The following HECTD4 variants were observed in gnomAD, a reference collection of about 807,000 sequenced individuals.
The protein encoded by HECTD4 is HECT domain E3 ubiquitin protein ligase 4, also known as probable E3 ubiquitin-protein ligase HECTD4.
In HECTD4, 114 loss-of-function variants were observed where a neutral mutation model predicts 471.5. That is an observed-to-expected ratio of 0.24 (90% confidence interval 0.21 to 0.28). HECTD4 has a LOEUF of 0.28. Among genes scored for constraint, HECTD4 ranks in the 10% least tolerant of loss-of-function variants. The pLI is 1.00. For missense variants in HECTD4, 3,866 were observed against 5,651.5 expected (o/e 0.68, Z 10.13); for synonymous variants, 2,012 against 2,256.0 (o/e 0.89, Z 3.07).
intron 1 of HECTD4, among the ~76,000 whole-genome samples, chr12:112,330,508 T>C (rs1422825336): frequency 6.6e-6 from 1 of 152,206 alleles, no homozygotes; most frequent in East Asian, 1.9e-4. Context: ...TGACAATTTT[T>C]AATACAAAAC....
chr12:112,273,887 G>A (rs776872344), intron 10 of HECTD4, 92 bp from the exon 11 acceptor site: 168 of 1,449,570 alleles, frequency 1.2e-4, no homozygotes, highest in Non-Finnish European at 1.5e-4. Flanking sequence ...GGAAGGGCAA[G>A]GATGCTCTCT....
chr12:112,240,707 TC>T (rs775950710), intron 32 of HECTD4, among the ~76,000 whole-genome samples: 5 of 152,168 alleles, frequency 3.3e-5, no homozygotes, highest in Non-Finnish European at 7.3e-5. Flanking sequence ...CACCTCGGCC[TC>T]CCAAAGTGCT....
At chr12:112,249,917 C>A (rs949383658) in intron 25 of HECTD4, 2 of 546,624 alleles carry the variant, frequency 3.7e-6, no homozygotes, top group Middle Eastern at 5.0e-4. Flanking sequence ...CAAGAACCAA[C>A]AAGTTCCCAA....
intron 44 of HECTD4, among the ~76,000 whole-genome samples, chr12:112,220,453 G>A (rs1379594896): frequency 6.6e-6 from 1 of 152,028 alleles, no homozygotes; most frequent in Non-Finnish European, 1.5e-5. Context: ...TGAATGAGCA[G>A]TGACTTCATT....
chr12:112,256,053 C>T (rs2034001859), intron 21 of HECTD4, among the ~76,000 whole-genome samples: 1 of 152,156 alleles, frequency 6.6e-6, no homozygotes, highest in Non-Finnish European at 1.5e-5. Flanking sequence ...TTTCCTTCCT[C>T]TCATATATCT....
chr12:112,226,226 C>T (rs1044169397), intron 44 of HECTD4, among the ~76,000 whole-genome samples: 1 of 152,056 alleles, frequency 6.6e-6, no homozygotes, highest in African/African-American at 2.4e-5. Context: ...CACACTCACA[C>T]ACACACTCAC....
Position 112,319,735 on chromosome 12 carries a change from G to T in HECTD4, c.185C>A (p.Thr62Asn). ...EAADTDLEIL[T>N]FETKNPSELA... Reference sequence around the variant, plus strand: ...TTCCGACGGGTTCTTGGTCTCAAAGGTTAAAATCTAAGGAAAAAGACGATG... The same window carrying T: ...TTCCGACGGGTTCTTGGTCTCAAAGTTTAAAATCTAAGGAAAAAGACGATG... Residue 62 changes from threonine to asparagine, a missense_variant, in exon 2 of 76, where the codon ACC becomes AAC. Coordinates refer to ENST00000682272, the MANE Select transcript of HECTD4 (RefSeq NM_001388303.1). This position sits in a 1 kb window ranked among gnomAD's most constrained non-coding sequence, Gnocchi z 5.3. 1.6e-6 allele frequency: 2 copies of T among 1,246,334 alleles called. No individual in the cohort carries two copies. Among genetic ancestry groups the T allele is most frequent in the South Asian group, 3.8e-5 (1 of 26,146 alleles). The allele number at this position is 1,246,334 out of a possible 1,614,324, so 77.2% of individuals were successfully genotyped here.
At position 112,381,270 on chromosome 12, in the gene HECTD4, G is replaced by C. The variant is rs1373543134; in HGVS notation, c.177+682C>G. ...ACCCGGGATGCTTGGCGACCCCCGG[G>C]GCACACAAAAAGGCCCTGCGGCCTA... On this transcript the variant is annotated intron_variant, in intron 1 of 75. Transcript: ENST00000682272. The surrounding 1 kb of genome is among the most constrained non-coding windows in gnomAD (Gnocchi z 4.1). Among the ~76,000 whole-genome samples, 1 of 152,090 alleles carries C rather than the reference G, an allele frequency of 6.6e-6. No individual in the cohort carries two copies. Among genetic ancestry groups the C allele is most frequent in the Non-Finnish European group, 1.5e-5 (1 of 68,030 alleles).
chr12:112,382,163 C>G lies in HECTD4; in HGVS notation c.-35G>C. On this transcript the variant is annotated 5_prime_UTR_variant, in exon 1 of 76. Transcript: ENST00000682272. ...TGAAGGCTTGGCGCTGAGGAGCAGA[C>G]GCCCGGCCGGGGGAAACGGAGCAGG... 1 of 1,214,128 alleles carries G rather than the reference C, an allele frequency of 8.2e-7. No homozygotes were observed. Among genetic ancestry groups the G allele is most frequent in the Non-Finnish European group, 1.0e-6 (1 of 977,550 alleles). 75.2% of individuals were successfully genotyped at this position (1,214,128 alleles called of 1,614,324 possible).
At chr12:112,344,748 G>A (rs982697895) in intron 1 of HECTD4, among the ~76,000 whole-genome samples, 7 of 150,138 alleles carry the variant, frequency 4.7e-5, no homozygotes, top group African/African-American at 9.8e-5. Context: ...GTGAAACCCC[G>A]TCTCTATTAA....
chr12:112,246,141 A>AAAAATAAAAT lies in HECTD4; in HGVS notation c.4513+750_4513+759dup, dbSNP rs148990896. The stretch of plus-strand genomic sequence containing the variant: ...AATGAGACTCCGTCTCAAAAAAATA[A>AAAAATAAAAT]AAAATAAAATAAAATAAAATAAAAT... On this transcript the variant is annotated intron_variant, in intron 29 of 75. Transcript: ENST00000682272. 4.1e-3 allele frequency among the ~76,000 whole-genome samples: 612 copies of AAAAATAAAAT among 149,004 alleles called. 6 individuals carry two copies. In the East Asian group the frequency reaches 0.044, roughly 11 times the overall value.
intron 7 of HECTD4, among the ~76,000 whole-genome samples, chr12:112,285,314 T>A (rs1424158024): frequency 1.3e-5 from 2 of 152,112 alleles, no homozygotes; most frequent in African/African-American, 4.8e-5. Flanking sequence ...GTCCAAGACC[T>A]CCACCTGGAA....
intron 1 of HECTD4, among the ~76,000 whole-genome samples, chr12:112,352,142 G>A (rs1285634578): frequency 3.3e-5 from 5 of 152,090 alleles, no homozygotes. Context: ...GTATGCTCTT[G>A]CACATAAGAA....
At chr12:112,249,529 A>G (rs1046480562) in intron 25 of HECTD4, 6 of 154,228 alleles carry the variant, frequency 3.9e-5, no homozygotes, top group African/African-American at 1.4e-4. Flanking sequence ...TGTTGGGCTA[A>G]AAACGATAGT....
intron 7 of HECTD4, among the ~76,000 whole-genome samples, chr12:112,299,606 G>A (rs2035121002): frequency 6.6e-6 from 1 of 151,334 alleles, no homozygotes; most frequent in South Asian, 2.1e-4. Flanking sequence ...CTGGGTGACA[G>A]ACAGACTCTG....
chr12:112,364,589 C>T (rs924603391), intron 1 of HECTD4, among the ~76,000 whole-genome samples: 3 of 152,002 alleles, frequency 2.0e-5, no homozygotes, highest in South Asian at 2.1e-4. Flanking sequence ...ATTAGCCAGC[C>T]GTGGTGGCAT....
At position 112,273,710 on chromosome 12, in the gene HECTD4, G is replaced by C. The variant is rs777443728; in HGVS notation, c.1887C>G (p.Ala629=). 1 of 1,613,920 alleles carries C rather than the reference G, an allele frequency of 6.2e-7. No individual in the cohort carries two copies. The highest frequency in any genetic ancestry group is 1.1e-5 in the South Asian group (1 of 91,086). The change falls in exon 11 of 76, where the codon GCC becomes GCG. Residue 629 remains alanine (A), a synonymous_variant. Transcript: ENST00000682272. ...CAAGTCTCTGGCAGACATAATGGAA[G>C]GCTTGATTCCCAGGGTTACACCACT... ...IDQWCNPGNQ[A]FHYVCQRLGV... is the part of the protein sequence containing the mutation.
rs189501055 is a variant in HECTD4 at position 112,311,180 on chromosome 12, T to C, written c.917-1511A>G. Among the ~76,000 whole-genome samples, 9 of 151,742 alleles carry C rather than the reference T, an allele frequency of 5.9e-5. 1 individual carries two copies. The highest frequency in any genetic ancestry group is 1.3e-4 in the Non-Finnish European group (9 of 67,914). ...GGGAGGCTGAGGCAGGAGAATTGCTTGAACCTGGGAGGCAGAGGTTGCAGT... is the reference window on the plus strand; with the variant it reads ...GGGAGGCTGAGGCAGGAGAATTGCTCGAACCTGGGAGGCAGAGGTTGCAGT... On this transcript the variant is annotated intron_variant, in intron 4 of 75. Coordinates refer to ENST00000682272, the MANE Select transcript of HECTD4 (RefSeq NM_001388303.1).
chr12:112,212,788 GTTATTTAT>G (rs150125929), intron 48 of HECTD4, 138 bp from the exon 49 acceptor site: 11 of 610,520 alleles, frequency 1.8e-5, no homozygotes, highest in East Asian at 4.5e-5. Context: ...TGAAGTTATT[GTTATTTAT>G]TTATTTATTT....
Sources: gnomAD v4.1 joint callset for allele counts (sites outside exome capture counted in the v4.1 genomes callset) on GRCh38, gnomAD v4.1.1 for gene constraint, Gnocchi (gnomAD v3.1) non-coding constraint, MANE v1.5 for transcripts, NCBI Gene and HGNC (gene_info 2026-07-23, HGNC 2026-07-21) for gene names.